The following SHROOM3 variants were observed in gnomAD, a reference collection of about 807,000 sequenced individuals.
SHROOM3 encodes protein Shroom3.
SHROOM3 carries 47 observed loss-of-function variants against 138.6 expected under a neutral mutation model. The observed-to-expected ratio is 0.34, with a 90% CI of 0.27 to 0.43. The LOEUF (loss-of-function observed/expected upper bound fraction) is 0.43. Ranked by LOEUF, SHROOM3 falls within the 20% of genes least tolerant of loss-of-function variation. SHROOM3 has a pLI of 1.00. For synonymous variants in SHROOM3, 1,062 were observed against 1,063.3 expected (o/e 1.00, Z 0.02); for missense variants, 2,491 against 2,596.5 (o/e 0.96, Z 0.88).
Position 76,739,025 on chromosome 4 carries a change from C to T in SHROOM3, c.852C>T (p.Gly284=), listed in dbSNP as rs377324397. Residue 284 remains glycine, a synonymous_variant, in exon 5 of 11, where the codon GGC becomes GGT. Coordinates refer to ENST00000296043, the MANE Select transcript of SHROOM3 (RefSeq NM_020859.4). ...GCATCTCTGGCCGGGAGCGTTCAGG[C>T]TCCATGGACAATACTTCTGCTCGAG... ...HPGISGRERS[G]SMDNTSARGG... is the part of the protein sequence containing the mutation. 8.1e-6 allele frequency: 13 copies of T among 1,614,120 alleles called. No individual in the cohort carries two copies. Among genetic ancestry groups the T allele is most frequent in the South Asian group, 2.2e-5 (2 of 91,088 alleles).
chr4:76,493,706 T>TG (rs1358708432), intron 1 of SHROOM3, among the ~76,000 whole-genome samples: 2 of 152,126 alleles, frequency 1.3e-5, no homozygotes, highest in Non-Finnish European at 2.9e-5. Context: ...ATTGGCCGGG[T>TG]GTGGTGGCTC....
rs554139245 is a variant in SHROOM3 at position 76,453,605 on chromosome 4, T to C, written c.168+17385T>C. On this transcript the variant is annotated intron_variant, in intron 1 of 10. Coordinates refer to ENST00000296043, the MANE Select transcript of SHROOM3 (RefSeq NM_020859.4). ...ATGATGTGGTATCTCATTTTGTGAT[T>C]TTGACTTGCATTTCCCTAATATTTA... is the stretch of plus-strand genomic sequence containing the variant. Among the ~76,000 whole-genome samples, 107 of 152,326 alleles carry C rather than the reference T, an allele frequency of 7.0e-4. 1 individual carries two copies. The highest frequency in any genetic ancestry group is 3.4e-3 in the Middle Eastern group (1 of 294).
At chr4:76,483,923 A>G (rs1486255490) in intron 1 of SHROOM3, among the ~76,000 whole-genome samples, 4 of 151,742 alleles carry the variant, frequency 2.6e-5, no homozygotes, top group African/African-American at 9.7e-5. Flanking sequence ...GTTCTCATTC[A>G]TAAGTGGGAG....
rs187880940 is a variant in SHROOM3, at chr4:76,573,092, A to G, written c.323+17329A>G. Among the ~76,000 whole-genome samples the G allele has an allele frequency of 6.6e-5, 10 of 151,956 alleles. No individual in the cohort carries two copies. In the East Asian group the frequency reaches 1.9e-3, roughly 29 times the overall value. On this transcript the variant is annotated intron_variant, in intron 2 of 10. Coordinates refer to ENST00000296043, the MANE Select transcript of SHROOM3 (RefSeq NM_020859.4). ...CTAGACACTGTCTCAAAAAAAAAAT[A>G]AAAAAGAAAAAAGAAAGAAAGAAAT...
intron 2 of SHROOM3, among the ~76,000 whole-genome samples, chr4:76,604,581 C>T (rs1033682479): frequency 6.6e-6 from 1 of 151,388 alleles, no homozygotes; most frequent in African/African-American, 2.4e-5. Flanking sequence ...GGAATGCCTT[C>T]ATTAAAATGT....
chr4:76,538,027 C>T (rs757355714), intron 1 of SHROOM3, among the ~76,000 whole-genome samples: 31 of 152,172 alleles, frequency 2.0e-4, no homozygotes, highest in South Asian at 4.1e-4. Context: ...CCTGCCTCAG[C>T]CTCCTGAGTA....
At chr4:76,500,928 T>A (rs1369892784) in intron 1 of SHROOM3, among the ~76,000 whole-genome samples, 2 of 152,136 alleles carry the variant, frequency 1.3e-5, no homozygotes, top group Admixed American at 1.3e-4. Flanking sequence ...CACCTCAGCC[T>A]CCATAGTAGT....
intron 1 of SHROOM3, among the ~76,000 whole-genome samples, chr4:76,535,851 G>A (rs1732941816): frequency 1.3e-5 from 2 of 152,202 alleles, no homozygotes; most frequent in African/African-American, 4.8e-5. Context: ...AAGTTAGTTT[G>A]GGCAAGAATT....
intron 9 of SHROOM3, among the ~76,000 whole-genome samples, chr4:76,763,410 A>G (rs528687373): frequency 6.6e-6 from 1 of 152,038 alleles, no homozygotes; most frequent in South Asian, 2.1e-4. Context: ...TTAAAAAACT[A>G]AAAAATTAGC....
At chr4:76,568,919 A>C (rs1417994060) in intron 2 of SHROOM3, among the ~76,000 whole-genome samples, 1 of 152,080 alleles carries the variant, frequency 6.6e-6, no homozygotes, top group East Asian at 1.9e-4. Flanking sequence ...TCACTTTTTT[A>C]TCTGGGAAGT....
intron 1 of SHROOM3, among the ~76,000 whole-genome samples, chr4:76,551,486 C>T (rs1733351841): frequency 1.3e-5 from 2 of 152,168 alleles, no homozygotes; most frequent in African/African-American, 4.8e-5. Flanking sequence ...CTACAGTGTT[C>T]ATCACTGTAC....
At chr4:76,482,433 G>A (rs1731636516) in intron 1 of SHROOM3, among the ~76,000 whole-genome samples, 1 of 152,052 alleles carries the variant, frequency 6.6e-6, no homozygotes, top group African/African-American at 2.4e-5. Flanking sequence ...AAATACCTAG[G>A]AATCCAACTT....
At chr4:76,616,201 T>C (rs1370419572) in intron 2 of SHROOM3, among the ~76,000 whole-genome samples, 2 of 152,244 alleles carry the variant, frequency 1.3e-5, no homozygotes, top group Non-Finnish European at 2.9e-5. Context: ...ACGAAGTTCC[T>C]GTTCTCATTT....
chr4:76,606,259 G>A (rs768473322), intron 2 of SHROOM3, among the ~76,000 whole-genome samples: 83 of 150,444 alleles, frequency 5.5e-4, no homozygotes, highest in Non-Finnish European at 1.1e-3. Flanking sequence ...TGATCTGCCT[G>A]CCTCGGCCTC....
intron 1 of SHROOM3, among the ~76,000 whole-genome samples, chr4:76,493,003 C>T (rs562096583): frequency 6.6e-6 from 1 of 152,076 alleles, no homozygotes; most frequent in South Asian, 2.1e-4. Context: ...GGTGAATCAC[C>T]TGAGGTCAGG....
At chr4:76,558,068 A>G (rs1175608134) in intron 2 of SHROOM3, among the ~76,000 whole-genome samples, 2 of 152,180 alleles carry the variant, frequency 1.3e-5, no homozygotes, top group Non-Finnish European at 2.9e-5. Context: ...GTTGGGTACT[A>G]ATGGCAGAAT....
intron 3 of SHROOM3, among the ~76,000 whole-genome samples, chr4:76,724,451 AC>A: frequency 6.6e-6 from 1 of 152,088 alleles, no homozygotes; most frequent in Middle Eastern, 3.4e-3. Flanking sequence ...TTTTTTTTTA[AC>A]TCTCAAGCTA....
chr4:76,740,387 A>C lies in SHROOM3; in HGVS notation c.2214A>C (p.Thr738=). The C allele has an allele frequency of 6.2e-7, 1 of 1,613,080 alleles. No homozygotes were observed. Among genetic ancestry groups the C allele is most frequent in the Non-Finnish European group, 8.5e-7 (1 of 1,179,988 alleles). The change falls in exon 5 of 11, where the codon ACA becomes ACC. Residue 738 remains threonine (T), a synonymous_variant. Transcript: ENST00000296043. The surrounding 1 kb of genome is among the most constrained non-coding windows in gnomAD (Gnocchi z 4.0). ...GTGCCTCGGCTTCTTTCAACAGCAC[A>C]GACCCAAGTCCCGAAGAGCCGCCTG... ...RTGASASFNS[T]DPSPEEPPAP... is the part of the protein sequence containing the mutation.
At chr4:76,444,588 C>T (rs1730767446) in intron 1 of SHROOM3, among the ~76,000 whole-genome samples, 2 of 150,548 alleles carry the variant, frequency 1.3e-5, no homozygotes, top group African/African-American at 4.9e-5. Context: ...CCTCCACCTC[C>T]CGGGTTCAAG....
Sources: allele counts gnomAD v4.1 joint callset (sites outside exome capture counted in the v4.1 genomes callset), GRCh38; gene constraint gnomAD v4.1.1; non-coding constraint Gnocchi (gnomAD v3.1); transcripts MANE v1.5; gene names NCBI Gene and HGNC (gene_info 2026-07-23, HGNC 2026-07-21).